Variants in FKBP5 observed in about 807,000 individuals in gnomAD.
FKBP5 encodes the protein FKBP prolyl isomerase 5.
In FKBP5, 23 loss-of-function variants were observed where a neutral mutation model predicts 50.5. The observed-to-expected ratio is 0.46, with a 90% confidence interval of 0.33 to 0.65. FKBP5 has a LOEUF of 0.65. FKBP5 is among the 30% of genes least tolerant of loss of function. The pLI is 0.02. For synonymous variants in FKBP5, 176 were observed against 190.6 expected, an observed-to-expected ratio of 0.92 and a Z score of 0.63; for missense variants, 411 against 553.1, an observed-to-expected ratio of 0.74 and a Z score of 2.58.
chr6:35,601,189 C>T (rs1763134745), intron 5 of FKBP5, among the ~76,000 whole-genome samples: 1 of 151,976 alleles, frequency 6.6e-6, no homozygotes, highest in Non-Finnish European at 1.5e-5. Context: ...ACAATTGGAC[C>T]CTGCAGTACT....
intron 1 of FKBP5, among the ~76,000 whole-genome samples, chr6:35,688,205 C>T (rs1765890564): frequency 1.3e-5 from 2 of 152,230 alleles, no homozygotes; most frequent in Non-Finnish European, 2.9e-5. Context: ...CGTCCACACC[C>T]GGAGCGCGGC....
chr6:35,614,805 A>G (rs946363270), intron 5 of FKBP5, among the ~76,000 whole-genome samples: 3 of 152,156 alleles, frequency 2.0e-5, no homozygotes, highest in Admixed American at 2.0e-4. Flanking sequence ...TGCAACTGCC[A>G]GTGAGTATCC....
In FKBP5 at chr6:35,575,399, C is replaced by CCCCTA. The variant is rs1388981812; in HGVS notation, c.*431_*435dup. Reference sequence around the variant, plus strand: ...TAAAAAACAAAAGCTTATCCTCCTTCCCCTACCCTACCCAACTGTAGGAAA... The same window carrying CCCCTA: ...TAAAAAACAAAAGCTTATCCTCCTTCCCCTACCCTACCCTACCCAACTGTAGGAAA... On this transcript the variant is annotated 3_prime_UTR_variant, in exon 11 of 11. Transcript: ENST00000357266. 4.3e-5 allele frequency: 7 copies of CCCCTA among 162,912 alleles called. No individual in the cohort carries two copies. The highest frequency in any genetic ancestry group is 1.7e-4 in the African/African-American group (7 of 41,742). 10.1% of individuals were successfully genotyped at this position (162,912 alleles called of 1,614,324 possible).
chr6:35,624,539 T>C (rs529266274), intron 3 of FKBP5, among the ~76,000 whole-genome samples: 11 of 152,174 alleles, frequency 7.2e-5, no homozygotes, highest in Non-Finnish European at 1.5e-4. Context: ...ACAAGGTCAC[T>C]GAGCATTTTC....
At chr6:35,626,118 T>C (rs544021969) in intron 3 of FKBP5, among the ~76,000 whole-genome samples, 115 of 152,188 alleles carry the variant, frequency 7.6e-4, no homozygotes, top group Non-Finnish European at 1.4e-3. Context: ...ACTTCAGTTT[T>C]ACTAGCTTAT....
At chr6:35,623,746 C>G (rs1378591705) in intron 3 of FKBP5, among the ~76,000 whole-genome samples, 3 of 150,916 alleles carry the variant, frequency 2.0e-5, no homozygotes, top group Non-Finnish European at 4.4e-5. Flanking sequence ...ATTTTCTTTT[C>G]TTCTTCTTTT....
At chr6:35,581,055 A>AAATC in intron 8 of FKBP5, 16 of 969,572 alleles carry the variant, frequency 1.7e-5, no homozygotes, top group Non-Finnish European at 2.0e-5. Flanking sequence ...GACAGTATGT[A>AAATC]AATCAATGGG....
chr6:35,575,453 A>T lies in FKBP5; in HGVS notation c.*382T>A. 1.6e-4 allele frequency: 26 copies of T among 167,450 alleles called. No homozygotes were observed. The highest frequency in any genetic ancestry group is 3.5e-4 in the South Asian group (2 of 5,680). The allele number at this position is 167,450 out of a possible 1,614,324, so 10.4% of individuals were successfully genotyped here. A position where few individuals can be genotyped will look rare whatever the true frequency, so the allele number is the denominator to read the frequency against. On this transcript the variant is annotated 3_prime_UTR_variant, in exon 11 of 11. Coordinates refer to ENST00000357266, the MANE Select transcript of FKBP5 (RefSeq NM_004117.4). ...GAAATTCATGAAGCATTTTTTTTTT[A>T]AAGGTTTCTGCAGTGCTATGAAAGT...
chr6:35,663,966 A>C (rs1765146019), intron 1 of FKBP5, among the ~76,000 whole-genome samples: 1 of 152,236 alleles, frequency 6.6e-6, no homozygotes, highest in South Asian at 2.1e-4. Context: ...GGACGAGCTA[A>C]GTAATCTATC....
intron 1 of FKBP5, among the ~76,000 whole-genome samples, chr6:35,682,995 A>AATGT (rs759089187): frequency 1.0e-3 from 155 of 151,488 alleles, no homozygotes; most frequent in African/African-American, 3.5e-3. Context: ...ATCTCTTTAA[A>AATGT]ATGTATGTAT....
At chr6:35,664,358 A>G (rs1294341006) in intron 1 of FKBP5, among the ~76,000 whole-genome samples, 2 of 152,198 alleles carry the variant, frequency 1.3e-5, no homozygotes, top group African/African-American at 4.8e-5. Context: ...AACACAGCAT[A>G]TGACACCAAA....
At chr6:35,686,759 A>G (rs1765838993) in intron 1 of FKBP5, among the ~76,000 whole-genome samples, 1 of 152,198 alleles carries the variant, frequency 6.6e-6, no homozygotes, top group South Asian at 2.1e-4. Flanking sequence ...AACCCAAAAT[A>G]TGCATTATTT....
In FKBP5 at chr6:35,574,337, T is replaced by G. The variant is rs1762150741; in HGVS notation, c.*1498A>C. The G allele has an allele frequency of 6.6e-6, 1 of 152,228 alleles. No individual in the cohort carries two copies. Among genetic ancestry groups the G allele is most frequent in the African/African-American group, 2.4e-5 (1 of 41,458 alleles). The allele number at this position is 152,228 out of a possible 1,614,324, so 9.4% of individuals were successfully genotyped here. ...CTAATTTAAAATATAACTGCCAGTG[T>G]TTTTTAGGATTTAAAAAGGTGAGAT... On this transcript the variant is annotated 3_prime_UTR_variant, in exon 11 of 11. Coordinates refer to ENST00000357266, the MANE Select transcript of FKBP5 (RefSeq NM_004117.4).
intron 8 of FKBP5, chr6:35,585,004 T>C (rs1762557625): frequency 3.0e-6 from 3 of 985,328 alleles, no homozygotes; most frequent in South Asian, 4.7e-5. Flanking sequence ...CACAGCTATA[T>C]GACAGATGGC....
intron 1 of FKBP5, among the ~76,000 whole-genome samples, chr6:35,657,689 T>C (rs568495532): frequency 2.0e-5 from 3 of 152,140 alleles, no homozygotes; most frequent in Non-Finnish European, 4.4e-5. Flanking sequence ...TTATTCTCTC[T>C]ACCACCGATA....
intron 5 of FKBP5, among the ~76,000 whole-genome samples, chr6:35,612,316 G>A (rs531742091): frequency 1.3e-5 from 2 of 152,224 alleles, no homozygotes; most frequent in Admixed American, 6.5e-5. Flanking sequence ...ACCTGAACCC[G>A]GAAGGCAGCA....
intron 2 of FKBP5, among the ~76,000 whole-genome samples, chr6:35,709,023 C>T (rs1162470097): frequency 1.3e-5 from 2 of 152,176 alleles, no homozygotes; most frequent in African/African-American, 2.4e-5. Flanking sequence ...CTAATCTTAA[C>T]TGATAGATAT....
intron 2 of FKBP5, among the ~76,000 whole-genome samples, chr6:35,701,556 T>G (rs1197544651): frequency 6.6e-6 from 1 of 151,978 alleles, no homozygotes; most frequent in African/African-American, 2.4e-5. Flanking sequence ...TTGTTTGTTT[T>G]TTGAGACAGG....
intron 5 of FKBP5, among the ~76,000 whole-genome samples, 186 bp from the exon 6 acceptor site, chr6:35,597,590 T>C (rs1379210641): frequency 1.3e-5 from 2 of 152,198 alleles, no homozygotes; most frequent in Non-Finnish European, 2.9e-5. Flanking sequence ...GGAGCAACCA[T>C]ATTTCTAAAT....
Sources: allele counts gnomAD v4.1 joint callset (sites outside exome capture counted in the v4.1 genomes callset), GRCh38; gene constraint gnomAD v4.1.1; transcripts MANE v1.5; gene names NCBI Gene and HGNC (gene_info 2026-07-23, HGNC 2026-07-21).